The following TMEM117 variants were observed in gnomAD, a reference collection of about 807,000 sequenced individuals.
TMEM117 encodes the protein transmembrane protein 117.
In TMEM117, 27 loss-of-function variants were observed where a neutral mutation model predicts 52.4. That is an observed-to-expected ratio of 0.51 (90% CI 0.38 to 0.71). The LOEUF (loss-of-function observed/expected upper bound fraction) is 0.71. TMEM117 is among the 30% of genes least tolerant of loss of function. The pLI, the probability that TMEM117 is intolerant of heterozygous loss-of-function variation, is 0.00. For synonymous variants in TMEM117, 215 were observed against 206.3 expected, an observed-to-expected ratio of 1.04 and a Z score of -0.36; for missense variants, 556 against 630.5, an observed-to-expected ratio of 0.88 and a Z score of 1.26.
intron 2 of TMEM117, among the ~76,000 whole-genome samples, chr12:43,910,289 C>T (rs1303438238): frequency 9.3e-5 from 14 of 151,008 alleles, no homozygotes; most frequent in Non-Finnish European, 1.8e-4. Flanking sequence ...TGACAAAATT[C>T]AACAACCCTT....
chr12:44,038,858 A>G (rs1027714290), intron 3 of TMEM117, among the ~76,000 whole-genome samples: 8 of 152,068 alleles, frequency 5.3e-5, no homozygotes, highest in Admixed American at 1.3e-4. Flanking sequence ...AATTGTGGCC[A>G]TTTCAAACAC....
Position 43,874,506 on chromosome 12 carries a change from G to A in TMEM117, c.277+29578G>A, listed in dbSNP as rs193258311. ...CTCAGGAGGCTGAGGCAGGAGAATCGCTTGAACCCAGGAGGCAGAGGTTGC... is the reference window on the plus strand; with the variant it reads ...CTCAGGAGGCTGAGGCAGGAGAATCACTTGAACCCAGGAGGCAGAGGTTGC... On this transcript the variant is annotated intron_variant, in intron 2 of 7. Transcript: ENST00000266534. Among the ~76,000 whole-genome samples the A allele has an allele frequency of 4.6e-5, 7 of 152,102 alleles. No individual in the cohort carries two copies. In the South Asian group the frequency reaches 6.2e-4, roughly 14 times the overall value.
the TMEM117 span, among the ~76,000 whole-genome samples, chr12:43,814,539 A>C: frequency 6.6e-6 from 1 of 152,034 alleles, no homozygotes; most frequent in South Asian, 2.1e-4. Flanking sequence ...TCGCTTGTTC[A>C]GAATACTTGC....
rs77937458 is a variant in TMEM117, at chr12:44,295,586, T to C, written c.609-3994T>C. Among the ~76,000 whole-genome samples the C allele has an allele frequency of 1.7e-3, 257 of 152,266 alleles. 1 individual carries two copies. Among genetic ancestry groups the C allele is most frequent in the Non-Finnish European group, 2.9e-3 (198 of 68,016 alleles). The stretch of plus-strand genomic sequence containing the variant: ...TCATGTGACCTGTCTTTAAGTTTGA[T>C]ATTTTTTTCTTCTCCATGATTAAAT... On this transcript the variant is annotated intron_variant, in intron 5 of 7. Transcript: ENST00000266534.
chr12:44,376,117 A>G (rs1951937117), intron 6 of TMEM117, among the ~76,000 whole-genome samples: 1 of 152,230 alleles, frequency 6.6e-6, no homozygotes, highest in Non-Finnish European at 1.5e-5. Flanking sequence ...ATGATTAATA[A>G]AAGTCACTTG....
chr12:44,182,126 G>A (rs1949209554), intron 4 of TMEM117, among the ~76,000 whole-genome samples: 1 of 152,056 alleles, frequency 6.6e-6, no homozygotes, highest in African/African-American at 2.4e-5. Flanking sequence ...ATTGTGAATG[G>A]GAGTTCACTC....
chr12:44,049,357 C>A (rs1260669280), intron 3 of TMEM117, among the ~76,000 whole-genome samples: 1 of 151,966 alleles, frequency 6.6e-6, no homozygotes, highest in Admixed American at 6.6e-5. Flanking sequence ...TAAGTGGGAG[C>A]TGAACGATGA....
chr12:43,985,044 A>G (rs1945825463), intron 3 of TMEM117, among the ~76,000 whole-genome samples: 1 of 152,182 alleles, frequency 6.6e-6, no homozygotes, highest in Non-Finnish European at 1.5e-5. Flanking sequence ...TAAAGATTGC[A>G]TATTAATAAA....
At chr12:44,164,111 G>A (rs1948933093) in intron 4 of TMEM117, among the ~76,000 whole-genome samples, 1 of 152,070 alleles carries the variant, frequency 6.6e-6, no homozygotes, top group Non-Finnish European at 1.5e-5. Context: ...CTATACCGTG[G>A]AATAAGAGAA....
chr12:44,012,339 A>G (rs566723370), intron 3 of TMEM117, among the ~76,000 whole-genome samples: 216 of 150,074 alleles, frequency 1.4e-3, no homozygotes, highest in African/African-American at 4.8e-3. Context: ...TTTGTTGTCT[A>G]ACATTAATTT....
intron 3 of TMEM117, chr12:44,010,330 A>G (rs1946269766): frequency 6.8e-6 from 3 of 439,586 alleles, no homozygotes; most frequent in African/African-American, 2.0e-5. Flanking sequence ...CTCTGTTGCC[A>G]TGTCTCCCTG....
intron 4 of TMEM117, among the ~76,000 whole-genome samples, chr12:44,180,329 G>A (rs1183359503): frequency 6.6e-6 from 1 of 150,518 alleles, no homozygotes; most frequent in Non-Finnish European, 1.5e-5. Context: ...TGTAAACAAC[G>A]ATGTAAAAGA....
intron 6 of TMEM117, among the ~76,000 whole-genome samples, chr12:44,303,367 T>A (rs112510906): frequency 8.5e-5 from 13 of 152,278 alleles, no homozygotes; most frequent in Admixed American, 2.0e-4. Flanking sequence ...AATTTTTTTT[T>A]AAAAGAAACC....
chr12:43,967,063 G>C (rs995048168), intron 3 of TMEM117, among the ~76,000 whole-genome samples: 2 of 151,860 alleles, frequency 1.3e-5, no homozygotes, highest in African/African-American at 2.4e-5. Flanking sequence ...TTAAGTATAG[G>C]TCGAACCCAG....
At chr12:44,002,339 T>G (rs1014208987) in intron 3 of TMEM117, among the ~76,000 whole-genome samples, 1 of 152,152 alleles carries the variant, frequency 6.6e-6, no homozygotes, top group Non-Finnish European at 1.5e-5. Flanking sequence ...GATGGGCAGA[T>G]GCACGGGTAC....
chr12:43,955,306 GAGAA>G (rs544835169), intron 3 of TMEM117, among the ~76,000 whole-genome samples: 51 of 152,268 alleles, frequency 3.3e-4, no homozygotes, highest in African/African-American at 1.2e-3. Flanking sequence ...AATCAAGCAA[GAGAA>G]AGAAAGAAAG....
chr12:44,299,333 G>C (rs7966220), intron 5 of TMEM117, among the ~76,000 whole-genome samples: 9 of 151,948 alleles, frequency 5.9e-5, no homozygotes, highest in Admixed American at 4.6e-4. Context: ...GGGATTCACC[G>C]TGTTGGACAG....
At chr12:44,324,463 T>C (rs945945139) in intron 6 of TMEM117, among the ~76,000 whole-genome samples, 1 of 152,084 alleles carries the variant, frequency 6.6e-6, no homozygotes, top group African/African-American at 2.4e-5. Context: ...CATGTTACTT[T>C]TTCATGGTCA....
chr12:44,181,490 T>C (rs1221042570), intron 4 of TMEM117, among the ~76,000 whole-genome samples: 1 of 150,658 alleles, frequency 6.6e-6, no homozygotes, highest in Non-Finnish European at 1.5e-5. Flanking sequence ...GTTTTAGGTC[T>C]AACGTTTAAG....
Sources: gnomAD v4.1 joint callset for allele counts (sites outside exome capture counted in the v4.1 genomes callset) on GRCh38, gnomAD v4.1.1 for gene constraint, MANE v1.5 for transcripts, NCBI Gene and HGNC (gene_info 2026-07-23, HGNC 2026-07-21) for gene names.